The following ADGRV1 variants were observed in gnomAD, a reference collection of about 807,000 sequenced individuals.
The protein encoded by ADGRV1 is adhesion G protein-coupled receptor V1, also known as G-protein coupled receptor 98.
In ADGRV1, 359 loss-of-function variants were observed where a neutral mutation model predicts 596.2. The observed-to-expected ratio is 0.60, with a 90% CI of 0.55 to 0.66. ADGRV1 has a LOEUF of 0.66. ADGRV1 is among the 30% of genes least tolerant of loss of function. The pLI, the probability that ADGRV1 is intolerant of heterozygous loss-of-function variation, is 0.00. For missense variants in ADGRV1, 7,274 were observed against 7,575.6 expected (o/e 0.96, Z 1.48); for synonymous variants, 2,681 against 2,679.2 (o/e 1.00, Z -0.02).
chr5:91,109,980 G>A (rs1792224227), intron 87 of ADGRV1, among the ~76,000 whole-genome samples: 2 of 152,132 alleles, frequency 1.3e-5, no homozygotes, highest in Admixed American at 1.3e-4. Context: ...ACAAAACTAG[G>A]AAACTTTATC....
chr5:90,870,527 G>T (rs1768560532), intron 83 of ADGRV1, among the ~76,000 whole-genome samples: 1 of 152,182 alleles, frequency 6.6e-6, no homozygotes, highest in Non-Finnish European at 1.5e-5. Flanking sequence ...GGAAAGATTT[G>T]AGCATCATGA....
chr5:91,030,552 T>A (rs2151224761), intron 85 of ADGRV1, among the ~76,000 whole-genome samples: 1 of 124,918 alleles, frequency 8.0e-6, no homozygotes, highest in South Asian at 2.9e-4. Flanking sequence ...TTTTATTGAG[T>A]CACTTTTGAG....
chr5:91,126,872 A>G (rs1024994247), intron 87 of ADGRV1, among the ~76,000 whole-genome samples: 8 of 152,150 alleles, frequency 5.3e-5, no homozygotes. Flanking sequence ...GTTTGAATGG[A>G]TGTGCCTCTC....
At chr5:91,142,742 T>C (rs922760628) in intron 87 of ADGRV1, among the ~76,000 whole-genome samples, 6 of 152,244 alleles carry the variant, frequency 3.9e-5, no homozygotes, top group African/African-American at 1.4e-4. Flanking sequence ...ATTTATTAAC[T>C]CCTTTAGACT....
chr5:90,886,327 A>T (rs2150562985), intron 83 of ADGRV1, among the ~76,000 whole-genome samples: 1 of 152,262 alleles, frequency 6.6e-6, no homozygotes, highest in African/African-American at 2.4e-5. Flanking sequence ...GCCAACTACC[A>T]ACTGCTAGAG....
intron 29 of ADGRV1, among the ~76,000 whole-genome samples, chr5:90,687,758 GACAA>G (rs767210213): frequency 6.6e-6 from 1 of 152,150 alleles, no homozygotes; most frequent in Non-Finnish European, 1.5e-5. Context: ...ACCAATAACA[GACAA>G]ACAGAGAGCC....
chr5:90,575,405 A>C (rs10066022), intron 1 of ADGRV1, among the ~76,000 whole-genome samples: 11,313 of 152,030 alleles, frequency 0.074, 1,296 homozygotes, highest in African/African-American at 0.25. Flanking sequence ...AGGTGTATGC[A>C]TCACGCCCAG....
At chr5:90,584,759 G>A (rs904569856) in intron 1 of ADGRV1, among the ~76,000 whole-genome samples, 2 of 152,158 alleles carry the variant, frequency 1.3e-5, no homozygotes, top group African/African-American at 4.8e-5. Context: ...AAAGACTTGG[G>A]ACTGAAAGCC....
rs76691838 is a variant in ADGRV1, at chr5:91,146,780, T to C, written c.18433-3250T>C. The stretch of plus-strand genomic sequence containing the variant: ...AAGAAGTTTGCTTTCTAAAACAAAA[T>C]GTACATAGCTAATCAGATATACTTC... On this transcript the variant is annotated intron_variant, in intron 87 of 89. Transcript: ENST00000405460. Among the ~76,000 whole-genome samples the C allele has an allele frequency of 7.3e-3, 1,119 of 152,340 alleles. 7 individuals carry two copies. The highest frequency in any genetic ancestry group is 9.4e-3 in the Non-Finnish European group (639 of 68,032).
At position 90,826,066 on chromosome 5, in the gene ADGRV1, G is replaced by T. The variant is rs534580459; in HGVS notation, c.16368+2470G>T. On this transcript the variant is annotated intron_variant, in intron 76 of 89. Coordinates refer to ENST00000405460, the MANE Select transcript of ADGRV1 (RefSeq NM_032119.4). ...TTTAAAAAGAGAGAAGATGGAAGAT[G>T]ATTATTTTCTCATGAAAATGAAAAA... Among the ~76,000 whole-genome samples the T allele has an allele frequency of 9.7e-4, 147 of 152,248 alleles. 1 individual carries two copies. The highest frequency in any genetic ancestry group is 1.7e-3 in the Non-Finnish European group (117 of 68,012).
intron 85 of ADGRV1, among the ~76,000 whole-genome samples, chr5:91,069,687 C>A (rs1030489672): frequency 6.6e-6 from 1 of 152,118 alleles, no homozygotes; most frequent in Non-Finnish European, 1.5e-5. Context: ...CAGACCCTGT[C>A]AAAAGCAGTT....
chr5:90,882,710 A>G (rs1223728595), intron 83 of ADGRV1, among the ~76,000 whole-genome samples: 1 of 152,176 alleles, frequency 6.6e-6, no homozygotes, highest in African/African-American at 2.4e-5. Flanking sequence ...TTCTTTTTCT[A>G]AAGGAACTAG....
chr5:91,041,596 C>T (rs2367186), intron 85 of ADGRV1, among the ~76,000 whole-genome samples: 54,234 of 150,760 alleles, frequency 0.36, 9,898 homozygotes, highest in East Asian at 0.51. Flanking sequence ...GTAACAAAAC[C>T]GCAGGTTCTG....
chr5:90,729,512 T>C, intron 49 of ADGRV1, 130 bp from the exon 50 acceptor site: 5 of 710,668 alleles, frequency 7.0e-6, no homozygotes, highest in Non-Finnish European at 1.1e-5. Flanking sequence ...TTAACTTGTA[T>C]TTTTATTGGA....
intron 1 of ADGRV1, among the ~76,000 whole-genome samples, chr5:90,591,432 A>G (rs959702441): frequency 2.6e-5 from 4 of 152,126 alleles, no homozygotes; most frequent in African/African-American, 4.8e-5. Flanking sequence ...TTTTTCTGAT[A>G]TATCACTTCT....
intron 50 of ADGRV1, among the ~76,000 whole-genome samples, chr5:90,741,468 T>G (rs1405242140): frequency 6.6e-6 from 1 of 152,218 alleles, no homozygotes; most frequent in African/African-American, 2.4e-5. Context: ...TTTTTTGCCT[T>G]TATTATATTT....
At chr5:90,939,614 CTT>C (rs1236814115) in intron 83 of ADGRV1, among the ~76,000 whole-genome samples, 4 of 152,244 alleles carry the variant, frequency 2.6e-5, no homozygotes, top group South Asian at 2.1e-4. Context: ...AAAATGATAA[CTT>C]AGGATAAAGA....
intron 85 of ADGRV1, among the ~76,000 whole-genome samples, chr5:91,033,105 G>A (rs1784607982): frequency 6.6e-6 from 1 of 152,082 alleles, no homozygotes; most frequent in Non-Finnish European, 1.5e-5. Context: ...TGTTTTCTAT[G>A]AACTGAGCTT....
chr5:91,029,437 A>G (rs985426169), intron 85 of ADGRV1, among the ~76,000 whole-genome samples: 12 of 152,236 alleles, frequency 7.9e-5, no homozygotes, highest in Admixed American at 2.0e-4. Context: ...CAGTAGTTCA[A>G]TGAACACATT....
Sources: allele counts gnomAD v4.1 joint callset (sites outside exome capture counted in the v4.1 genomes callset), GRCh38; gene constraint gnomAD v4.1.1; transcripts MANE v1.5; gene names NCBI Gene and HGNC (gene_info 2026-07-23, HGNC 2026-07-21).